The following TBC1D5 variants were observed in gnomAD, a reference collection of about 807,000 sequenced individuals.
TBC1D5 encodes the protein TBC1 domain family member 5, also known as TBC1 domain family, member 5.
TBC1D5 carries 75 observed loss-of-function variants against 100.3 expected under a neutral mutation model. That is an observed-to-expected ratio of 0.75 (90% CI 0.62 to 0.91). TBC1D5 has a LOEUF of 0.91. Among genes scored for constraint, TBC1D5 ranks in the 40% least tolerant of loss-of-function variants. The pLI, the probability that TBC1D5 is intolerant of heterozygous loss-of-function variation, is 0.00. For synonymous variants in TBC1D5, 323 were observed against 325.6 expected (o/e 0.99, Z 0.09); for missense variants, 910 against 942.4 (o/e 0.97, Z 0.45).
chr3:17,678,474 AAAG>A (rs200314626), intron 1 of TBC1D5, among the ~76,000 whole-genome samples: 1,732 of 152,232 alleles, frequency 0.011, 24 homozygotes, highest in African/African-American at 0.039. Context: ...AGAAAAACAG[AAAG>A]AAGATCACAA....
At chr3:17,492,636 A>C (rs944206900) in intron 3 of TBC1D5, among the ~76,000 whole-genome samples, 1 of 152,038 alleles carries the variant, frequency 6.6e-6, no homozygotes, top group Admixed American at 6.6e-5. Flanking sequence ...GGGTTTTACC[A>C]TTTTGGCCAG....
chr3:17,620,885 A>C (rs1238250178), intron 2 of TBC1D5, among the ~76,000 whole-genome samples: 1 of 152,226 alleles, frequency 6.6e-6, no homozygotes, highest in African/African-American at 2.4e-5. Context: ...TAAGAAAGAA[A>C]GAACTAAGTA....
intron 1 of TBC1D5, among the ~76,000 whole-genome samples, chr3:17,683,856 C>T (rs934616913): frequency 6.6e-6 from 1 of 152,088 alleles, no homozygotes; most frequent in African/African-American, 2.4e-5. Context: ...ATCAACAATG[C>T]TAAGTATTAT....
At position 17,731,971 on chromosome 3, in the gene TBC1D5, A is replaced by G. The variant is rs533860821; in HGVS notation, c.-101+7372T>C. Among the ~76,000 whole-genome samples the G allele has an allele frequency of 7.2e-5, 11 of 152,346 alleles. No homozygotes were observed. The South Asian group carries it at 2.3e-3, about 32-fold the overall frequency. On this transcript the variant is annotated intron_variant, in intron 1 of 21. Coordinates refer to ENST00000253692, the Ensembl canonical transcript of TBC1D5. Reference sequence around the variant, plus strand: ...AAGTGGAGTTATCCAGTAGGCAATCAGATACACAGATCTGAAAGTTCAGGG... The same window carrying G: ...AAGTGGAGTTATCCAGTAGGCAATCGGATACACAGATCTGAAAGTTCAGGG...
At chr3:17,641,085 T>C (rs1437533608) in intron 1 of TBC1D5, among the ~76,000 whole-genome samples, 1 of 152,152 alleles carries the variant, frequency 6.6e-6, no homozygotes, top group Non-Finnish European at 1.5e-5. Context: ...GTACGTAATA[T>C]ACTTTATGCA....
In TBC1D5 at chr3:17,592,991, C is replaced by G. The variant is rs565111058; in HGVS notation, c.-36+30858G>C. On this transcript the variant is annotated intron_variant, in intron 2 of 21. Transcript: ENST00000253692. The stretch of plus-strand genomic sequence containing the variant: ...TGACTCATCTAGCCATAAAGTGGGT[C>G]GTGCACAGAAGCATTATATCATCAA... 1.5e-4 allele frequency among the ~76,000 whole-genome samples: 23 copies of G among 152,208 alleles called. No individual in the cohort carries two copies. The South Asian group carries it at 4.8e-3, about 32-fold the overall frequency.
At chr3:17,709,764 T>G (rs1457002578) in intron 1 of TBC1D5, among the ~76,000 whole-genome samples, 1 of 152,132 alleles carries the variant, frequency 6.6e-6, no homozygotes, top group Non-Finnish European at 1.5e-5. Flanking sequence ...CTGTACAAAT[T>G]GCTGCAAAAT....
intron 4 of TBC1D5, among the ~76,000 whole-genome samples, chr3:17,418,995 G>A (rs1013404692): frequency 2.0e-5 from 3 of 152,168 alleles, no homozygotes; most frequent in African/African-American, 7.2e-5. Context: ...CCCTAGAGCT[G>A]ACTGCTGGAC....
intron 18 of TBC1D5, among the ~76,000 whole-genome samples, chr3:17,187,917 C>T (rs936440252): frequency 2.0e-5 from 3 of 152,188 alleles, no homozygotes; most frequent in African/African-American, 7.2e-5. Context: ...ATTGGATTAG[C>T]CACCACTTAT....
At chr3:17,666,191 T>C (rs1015614411) in intron 1 of TBC1D5, among the ~76,000 whole-genome samples, 20 of 152,194 alleles carry the variant, frequency 1.3e-4, no homozygotes, top group Admixed American at 5.2e-4. Context: ...TTTCCTAAAC[T>C]ACACATGACA....
chr3:17,208,475 G>A (rs746134604), intron 18 of TBC1D5, among the ~76,000 whole-genome samples: 5 of 152,250 alleles, frequency 3.3e-5, no homozygotes, highest in Non-Finnish European at 4.4e-5. Context: ...CAGAATGGGC[G>A]AGAACTGGCA....
chr3:17,612,804 CA>C (rs2061783977), intron 2 of TBC1D5, among the ~76,000 whole-genome samples: 1 of 139,040 alleles, frequency 7.2e-6, no homozygotes, highest in African/African-American at 2.7e-5. Flanking sequence ...TAGCAGGATA[CA>C]AAATGAACAC....
intron 8 of TBC1D5, among the ~76,000 whole-genome samples, chr3:17,395,856 G>A (rs1473672266): frequency 1.3e-5 from 2 of 152,098 alleles, no homozygotes; most frequent in African/African-American, 4.8e-5. Context: ...CTAAGAATTT[G>A]CATGCTCAAA....
At chr3:17,651,706 A>T in intron 1 of TBC1D5, among the ~76,000 whole-genome samples, 1 of 152,160 alleles carries the variant, frequency 6.6e-6, no homozygotes, top group East Asian at 1.9e-4. Flanking sequence ...TCAAAAAAAA[A>T]AAAATTTTTT....
chr3:17,309,873 T>C (rs565292557), intron 13 of TBC1D5, among the ~76,000 whole-genome samples: 1 of 152,216 alleles, frequency 6.6e-6, no homozygotes, highest in East Asian at 1.9e-4. Context: ...TACAAATGTT[T>C]GCACTCTTAA....
At chr3:17,742,326 G>GGCTGCA (rs1250001779), upstream of TBC1D5, among the ~76,000 whole-genome samples, 1 of 152,192 alleles carries the variant, frequency 6.6e-6, no homozygotes, top group African/African-American at 2.4e-5. Context: ...CGGCGGCTGC[G>GGCTGCA]GCTGCAGCAG....
chr3:17,192,505 G>A (rs1412597114), intron 18 of TBC1D5, among the ~76,000 whole-genome samples: 1 of 152,094 alleles, frequency 6.6e-6, no homozygotes, highest in Non-Finnish European at 1.5e-5. Flanking sequence ...GGGTTGCCTA[G>A]AAATAACGTG....
intron 17 of TBC1D5, among the ~76,000 whole-genome samples, chr3:17,227,920 T>C (rs762180877): frequency 4.0e-5 from 6 of 151,842 alleles, no homozygotes; most frequent in Non-Finnish European, 7.4e-5. Flanking sequence ...AGTTTCCCTC[T>C]TGATCATCCA....
chr3:17,343,164 T>C (rs1032992686), intron 13 of TBC1D5, among the ~76,000 whole-genome samples: 1 of 151,756 alleles, frequency 6.6e-6, no homozygotes, highest in Non-Finnish European at 1.5e-5. Flanking sequence ...TTATTGAGAG[T>C]TTTTAGCATG....
Sources: allele counts gnomAD v4.1 joint callset (sites outside exome capture counted in the v4.1 genomes callset), GRCh38; gene constraint gnomAD v4.1.1; transcripts MANE v1.5; gene names NCBI Gene and HGNC (gene_info 2026-07-23, HGNC 2026-07-21).